FER: variants seen among roughly 807,000 people sequenced by gnomAD.
The protein encoded by FER is tyrosine-protein kinase Fer.
FER carries 63 observed loss-of-function variants against 111.0 expected under a neutral mutation model. The observed-to-expected ratio is 0.57, with a 90% confidence interval of 0.46 to 0.70. FER has a LOEUF of 0.70. Among genes scored for constraint, FER ranks in the 30% least tolerant of loss-of-function variants. FER has a pLI of 0.00. For synonymous variants in FER, 327 were observed against 313.9 expected (o/e 1.04, Z -0.44); for missense variants, 914 against 954.0 (o/e 0.96, Z 0.55).
chr5:108,832,905 A>T lies in FER; in HGVS notation c.343A>T (p.Ile115Leu). 1 of 1,603,998 alleles carries T rather than the reference A, an allele frequency of 6.2e-7. No individual in the cohort carries two copies. The highest frequency in any genetic ancestry group is 8.5e-7 in the Non-Finnish European group (1 of 1,174,752). The change falls in exon 4 of 20, where the codon ATA (isoleucine) becomes TTA (leucine). Residue 115 changes from isoleucine (I) to leucine (L), a missense_variant. By Grantham distance (5) the Ile-to-Leu change is conservative. Transcript: ENST00000281092. ...KDKQQVKKSY[I>L]GVHQQIEAEM... ...CAAGCAGCAGGTGAAGAAAAGTTAC[A>T]TAGGTGTTCATCAGCAGATAGAGGC...
chr5:109,125,716 TTC>T (rs967686772), intron 17 of FER, among the ~76,000 whole-genome samples: 4 of 152,182 alleles, frequency 2.6e-5, no homozygotes, highest in Non-Finnish European at 4.4e-5. Context: ...ACTGGATTTT[TTC>T]TCTCTCTCTT....
At chr5:108,993,400 G>A (rs944632171) in intron 13 of FER, among the ~76,000 whole-genome samples, 5 of 152,160 alleles carry the variant, frequency 3.3e-5, no homozygotes, top group Non-Finnish European at 5.9e-5. Flanking sequence ...CCAGTCAGGC[G>A]TGGCCGCGCG....
At chr5:109,115,691 ACTC>A (rs1398819384) in intron 17 of FER, among the ~76,000 whole-genome samples, 6 of 147,634 alleles carry the variant, frequency 4.1e-5, no homozygotes, top group African/African-American at 1.0e-4. Flanking sequence ...GTTTGGCACG[ACTC>A]CTCTGTTCTT....
At chr5:108,780,616 T>G (rs1753959312) in intron 2 of FER, among the ~76,000 whole-genome samples, 1 of 152,050 alleles carries the variant, frequency 6.6e-6, no homozygotes, top group African/African-American at 2.4e-5. Flanking sequence ...GGTTGTTTGT[T>G]TTTTAATCAT....
intron 17 of FER, among the ~76,000 whole-genome samples, chr5:109,155,169 C>T (rs1298471056): frequency 6.6e-6 from 1 of 151,836 alleles, no homozygotes; most frequent in African/African-American, 2.4e-5. Flanking sequence ...AAGTGTATTC[C>T]ATGTGCTCGG....
intron 1 of FER, among the ~76,000 whole-genome samples, chr5:108,763,844 T>G (rs1752020448): frequency 1.3e-5 from 2 of 152,200 alleles, no homozygotes; most frequent in African/African-American, 4.8e-5. Flanking sequence ...GGGCAAAATA[T>G]TTTCAGACAT....
intron 8 of FER, among the ~76,000 whole-genome samples, chr5:108,875,972 C>T (rs1765054407): frequency 6.6e-6 from 1 of 152,126 alleles, no homozygotes; most frequent in Admixed American, 6.6e-5. Context: ...AAAATCTAGT[C>T]TCAGGCCTTA....
intron 10 of FER, among the ~76,000 whole-genome samples, chr5:108,919,379 A>G (rs1177760193): frequency 1.3e-5 from 2 of 151,912 alleles, no homozygotes; most frequent in South Asian, 2.1e-4. Context: ...AACATGTCCT[A>G]TTTTGGAGGG....
chr5:108,997,736 C>T (rs577513113), intron 13 of FER, among the ~76,000 whole-genome samples: 50 of 152,108 alleles, frequency 3.3e-4, no homozygotes, highest in African/African-American at 1.2e-3. Context: ...CCACAGCTGC[C>T]TCTTTCCCCA....
intron 13 of FER, among the ~76,000 whole-genome samples, chr5:108,985,999 T>C (rs1243648986): frequency 6.6e-6 from 1 of 152,234 alleles, no homozygotes; most frequent in Non-Finnish European, 1.5e-5. Context: ...TTTACTTCTT[T>C]AAGGAATCTC....
chr5:108,868,867 A>G, intron 6 of FER, among the ~76,000 whole-genome samples: 1 of 152,152 alleles, frequency 6.6e-6, no homozygotes, highest in Non-Finnish European at 1.5e-5. Flanking sequence ...ATATTTTGAA[A>G]TGTAGTGGTA....
chr5:109,132,222 A>G (rs1752429807), intron 17 of FER, among the ~76,000 whole-genome samples: 1 of 152,222 alleles, frequency 6.6e-6, no homozygotes, highest in Non-Finnish European at 1.5e-5. Flanking sequence ...TAAGCCAAAT[A>G]TCACATCTGA....
In FER at chr5:109,187,706, G is replaced by A. The variant is rs577670199; in HGVS notation, c.*131G>A. On this transcript the variant is annotated 3_prime_UTR_variant, in exon 20 of 20. Transcript: ENST00000281092. ...TCTACCATTATTTTTTATTAACTGG[G>A]TGTTTTAAAAGTACGTTCCACTTGT... 3 of 1,190,444 alleles carry A rather than the reference G, an allele frequency of 2.5e-6. No individual in the cohort carries two copies. Among genetic ancestry groups the A allele is most frequent in the African/African-American group, 1.6e-5 (1 of 64,418 alleles). The allele number at this position is 1,190,444 out of a possible 1,614,324, so 73.7% of individuals were successfully genotyped here.
chr5:109,124,160 G>A lies in FER; in HGVS notation c.2048+23641G>A, dbSNP rs140864451. Among the ~76,000 whole-genome samples the A allele has an allele frequency of 4.7e-3, 721 of 152,254 alleles. 6 individuals carry two copies. Among genetic ancestry groups the A allele is most frequent in the African/African-American group, 0.017 (689 of 41,554 alleles). On this transcript the variant is annotated intron_variant, in intron 17 of 19. Transcript: ENST00000281092. ...GAAAATTGACAGAACCTGGGAAGTC[G>A]AGGCTGCAGTGTGCCATGATTGTGC...
At chr5:108,944,024 A>G (rs1756633286) in intron 10 of FER, among the ~76,000 whole-genome samples, 2 of 151,924 alleles carry the variant, frequency 1.3e-5, no homozygotes, top group Admixed American at 1.3e-4. Context: ...ATGAACCACC[A>G]AGCCTGGCAT....
intron 5 of FER, among the ~76,000 whole-genome samples, chr5:108,862,470 A>G (rs1051237257): frequency 6.6e-6 from 1 of 152,210 alleles, no homozygotes; most frequent in Non-Finnish European, 1.5e-5. Flanking sequence ...AAATGTCTCA[A>G]TGAAAATGTG....
intron 17 of FER, among the ~76,000 whole-genome samples, chr5:109,174,092 G>C (rs1031007678): frequency 6.6e-6 from 1 of 152,096 alleles, no homozygotes; most frequent in African/African-American, 2.4e-5. Flanking sequence ...GCTTCCTTTG[G>C]GGCCACTTTT....
rs566041683 is a variant in FER, at chr5:108,801,134, T to C, written c.207+2745T>C. 6.8e-4 allele frequency among the ~76,000 whole-genome samples: 104 copies of C among 152,372 alleles called. 1 individual carries two copies. Among genetic ancestry groups the C allele is most frequent in the African/African-American group, 2.3e-3 (96 of 41,596 alleles). On this transcript the variant is annotated intron_variant, in intron 3 of 19. Transcript: ENST00000281092. ...TTTTTATAGTTTTAAGTTTTGTTTG[T>C]AGGTCTATGATTTATTTTTATTTAA...
chr5:108,992,944 G>A (rs1445710118), intron 13 of FER, among the ~76,000 whole-genome samples: 6 of 151,378 alleles, frequency 4.0e-5, no homozygotes, highest in Admixed American at 1.3e-4. Context: ...GACGATGGGC[G>A]GCCGGGCAGA....
Sources: gnomAD v4.1 joint callset for allele counts (sites outside exome capture counted in the v4.1 genomes callset) on GRCh38, gnomAD v4.1.1 for gene constraint, MANE v1.5 for transcripts, NCBI Gene and HGNC (gene_info 2026-07-23, HGNC 2026-07-21) for gene names.